Variants in HR observed in about 807,000 individuals in gnomAD.
HR encodes the protein HR lysine demethylase and nuclear receptor corepressor, also known as lysine-specific demethylase hairless.
In HR, 83 loss-of-function variants were observed where a neutral mutation model predicts 128.6. That is an observed-to-expected ratio of 0.65 (90% CI 0.54 to 0.77). The LOEUF (loss-of-function observed/expected upper bound fraction) is 0.77, where lower values mean the gene tolerates loss of function less well. Ranked by LOEUF, HR falls within the 30% of genes least tolerant of loss-of-function variation. The pLI is 0.00. For synonymous variants in HR, 681 were observed against 658.2 expected, an observed-to-expected ratio of 1.03 and a Z score of -0.53; for missense variants, 1,490 against 1,574.6, an observed-to-expected ratio of 0.95 and a Z score of 0.91.
rs1463343598 is a variant in HR, at chr8:22,120,355, G to A, written c.2763C>T (p.Phe921=). The change falls in exon 12 of 19, where the codon TTC becomes TTT. Residue 921 remains phenylalanine (F), a synonymous_variant. Coordinates refer to ENST00000381418, the MANE Select transcript of HR (RefSeq NM_005144.5). ...GGGGACACTTACGCTCAGGCCAGGA[G>A]AAGCCCTCCCAGAATGTTGTGCTGC... The part of the protein sequence containing the change: ...SLGSTTFWEG[F]SWPELRPKSD... 1 of 1,613,698 alleles carries A rather than the reference G, an allele frequency of 6.2e-7. No individual in the cohort carries two copies. The highest frequency in any genetic ancestry group is 1.3e-5 in the African/African-American group (1 of 74,934).
intron 6 of HR, 32 bp downstream of exon 6, chr8:22,123,617 T>TTGGGGCGCCC: frequency 3.4e-6 from 1 of 292,092 alleles, no homozygotes; most frequent in Non-Finnish European, 6.2e-6. Context: ...GAGGGCTCCA[T>TTGGGGCGCCC]CCCGCCCTCC....
chr8:22,117,390 C>G, intron 16 of HR: 1 of 290,126 alleles, frequency 3.4e-6, no homozygotes. Flanking sequence ...AGGGAGACGT[C>G]CTGCATAATC....
rs1378097312 is a variant in HR at position 22,119,004 on chromosome 8, C to G, written c.3159G>C (p.Val1053=). The change falls in exon 16 of 19, where the codon GTG becomes GTC. Residue 1053 remains valine (V), a synonymous_variant. Transcript: ENST00000381418. The stretch of plus-strand genomic sequence containing the variant: ...CGTCCTGTGCCCGGAACACGTGCCA[C>G]ACAGTGCTGACCTGGCTGCCCGGAG... ...LWSPGSQVST[V]WHVFRAQDAQ... The G allele has an allele frequency of 1.9e-6, 3 of 1,613,072 alleles. No individual in the cohort carries two copies. In the South Asian group the frequency reaches 3.3e-5, roughly 18 times the overall value.
rs372732458 is a variant in HR at position 22,123,825 on chromosome 8, G to A, written c.1751-12C>T. On this transcript the variant is annotated splice_polypyrimidine_tract_variant and intron_variant, in intron 5 of 18. Transcript: ENST00000381418. ...GGCTGGCCCTTGGCCTGCTGACCAC[G>A]GAGAGAACAGGGTCAGAGGGTGAAG... 37 of 1,592,172 alleles carry A rather than the reference G, an allele frequency of 2.3e-5. No homozygotes were observed. In the African/African-American group the frequency reaches 4.3e-4, roughly 18 times the overall value.
In HR at chr8:22,118,972, C is replaced by T. The variant is rs763685880; in HGVS notation, c.3191G>A (p.Arg1064His). The T allele has an allele frequency of 9.9e-6, 16 of 1,611,728 alleles. No homozygotes were observed. The highest frequency in any genetic ancestry group is 9.9e-5 in the South Asian group (9 of 91,044). ...CACCATCTGGAGAAAGCGGCGGATGCGCTGGGCGTCCTGTGCCCGGAACAC... is the reference window on the plus strand; with the variant it reads ...CACCATCTGGAGAAAGCGGCGGATGTGCTGGGCGTCCTGTGCCCGGAACAC... ...WHVFRAQDAQ[R>H]IRRFLQMVCP... is the part of the protein sequence containing the mutation. The change falls in exon 16 of 19, where the codon CGC becomes CAC. Residue 1064 changes from arginine (R) to histidine (H), a missense_variant. By Grantham distance (29) the Arg-to-His change is conservative (BLOSUM62 0). This residue lies in a region of HR where 423 missense variants were observed against 495.9 expected (regional missense o/e 0.85). Transcript: ENST00000381418.
rs778896234 is a variant in HR, at chr8:22,127,512, T to G, written c.930A>C (p.Ala310=). 5 of 1,612,934 alleles carry G rather than the reference T, an allele frequency of 3.1e-6. No homozygotes were observed. The South Asian group carries it at 4.4e-5, about 14-fold the overall frequency. ...GCTCAGGAGAGGGGCACCTTGGTGT[T>G]GCTGGTGGCCCCAGCTGGTACCCAA... The part of the protein sequence containing the change: ...GNLGYQLGPP[A]TPRCPSPEPP... The change falls in exon 3 of 19, where the codon GCA becomes GCC. Residue 310 remains alanine (A), a synonymous_variant. Coordinates refer to ENST00000381418, the MANE Select transcript of HR (RefSeq NM_005144.5).
chr8:22,127,547 C>A lies in HR; in HGVS notation c.895G>T (p.Asp299Tyr), dbSNP rs747380523. Reference protein sequence around the residue: ...TLGNVWAGPGDGNLGYQLGPP... With the variant: ...TLGNVWAGPGYGNLGYQLGPP... ...CCCAGCTGGTACCCAAGGTTCCCAT[C>A]GCCTGGCCCAGCCCAGACGTTGCCA... is the stretch of plus-strand genomic sequence containing the variant. Residue 299 changes from aspartate to tyrosine, a missense_variant, in exon 3 of 19, where the codon GAT becomes TAT. Coordinates refer to ENST00000381418, the MANE Select transcript of HR (RefSeq NM_005144.5). The A allele has an allele frequency of 3.7e-6, 6 of 1,613,074 alleles. No individual in the cohort carries two copies. The highest frequency in any genetic ancestry group is 5.1e-6 in the Non-Finnish European group (6 of 1,179,996).
chr8:22,121,490 G>C (rs1237757246), intron 9 of HR, 123 bp downstream of exon 9: 3 of 1,071,888 alleles, frequency 2.8e-6, no homozygotes, highest in Non-Finnish European at 4.3e-6. Context: ...GAGTAGTGGA[G>C]ATTATTGGGG....
Position 22,115,646 on chromosome 8 carries a change from G to T in HR, c.*54C>A. 1 of 1,523,204 alleles carries T rather than the reference G, an allele frequency of 6.6e-7. No homozygotes were observed. Among genetic ancestry groups the T allele is most frequent in the Non-Finnish European group, 9.1e-7 (1 of 1,097,894 alleles). 94.4% of individuals were successfully genotyped at this position (1,523,204 alleles called of 1,614,324 possible). The stretch of plus-strand genomic sequence containing the variant: ...CATCCCCTGCTGAAGTTGTGCCTGG[G>T]CTGAGCACCTGGTCTACCTGTCCCC... On this transcript the variant is annotated 3_prime_UTR_variant, in exon 19 of 19. Transcript: ENST00000381418.
chr8:22,123,607 G>T, intron 6 of HR, 42 bp downstream of exon 6: 2 of 969,560 alleles, frequency 2.1e-6, no homozygotes, highest in Non-Finnish European at 1.6e-6. Flanking sequence ...CAGTCCCCCT[G>T]AGGGCTCCAT....
In HR at chr8:22,128,571, G is replaced by A. The variant is rs370007196; in HGVS notation, c.600C>T (p.Ser200=). The A allele has an allele frequency of 3.1e-6, 5 of 1,611,450 alleles. No individual in the cohort carries two copies. Among genetic ancestry groups the A allele is most frequent in the Non-Finnish European group, 3.4e-6 (4 of 1,179,478 alleles). ...CCCCTGCACTCACCTTGCTGCCTAA[G>A]CTGAAGGCAGAGGGCACTTTGGGCT... ...GGQPKVPSAF[S]LGSKGFYYKD... Residue 200 remains serine (S), a synonymous_variant, in exon 2 of 19, where the codon AGC becomes AGT. Transcript: ENST00000381418.
intron 8 of HR, 107 bp downstream of exon 8, chr8:22,122,386 A>G (rs1826775695): frequency 1.3e-6 from 1 of 770,528 alleles, no homozygotes; most frequent in Admixed American, 2.4e-5. Context: ...CTGATCCCAC[A>G]GGCTTCTCTC....
intron 3 of HR, among the ~76,000 whole-genome samples, chr8:22,125,956 C>T (rs1008821728): frequency 3.3e-5 from 5 of 152,156 alleles, no homozygotes; most frequent in African/African-American, 7.2e-5. Flanking sequence ...GACCGGCAGC[C>T]GAGCGAAGAG....
In HR at chr8:22,122,891, G is replaced by C. The variant is rs1203132039; in HGVS notation, c.1916-12C>G. On this transcript the variant is annotated splice_polypyrimidine_tract_variant and intron_variant, in intron 6 of 18. Coordinates refer to ENST00000381418, the MANE Select transcript of HR (RefSeq NM_005144.5). ...CTGCTCCTGAAAGCCTGTGGGGCAG[G>C]AAGGGAAAAGCTGCAGGTCCAGAAA... 1 of 1,550,942 alleles carries C rather than the reference G, an allele frequency of 6.4e-7. No homozygotes were observed. Among genetic ancestry groups the C allele is most frequent in the Non-Finnish European group, 8.7e-7 (1 of 1,146,894 alleles).
Position 22,129,076 on chromosome 8 carries a change from G to A in HR, c.95C>T (p.Pro32Leu), listed in dbSNP as rs1377584605. 5.7e-6 allele frequency: 9 copies of A among 1,579,428 alleles called. No individual in the cohort carries two copies. Among genetic ancestry groups the A allele is most frequent in the African/African-American group, 1.4e-5 (1 of 73,762 alleles). Residue 32 changes from proline (P) to leucine (L), a missense_variant, in exon 2 of 19, where the codon CCT becomes CTT. Transcript: ENST00000381418. ...GIVRQEPGSP[P>L]RDGLHHGPLC... is the part of the protein sequence containing the mutation. ...CGGCCCATGGTGCAGTCCATCTCGA[G>A]GCGGGCTGCCGGGCTCCTGTCTCAC...
At chr8:22,120,082 T>C (rs769665896) in intron 13 of HR, 22 bp downstream of exon 13, 1 of 1,576,642 alleles carries the variant, frequency 6.3e-7, no homozygotes, top group African/African-American at 1.3e-5. Context: ...GAGGTAGGGC[T>C]GGCCCTTGGT....
In HR at chr8:22,125,341, G is replaced by C. The variant is rs1015585608; in HGVS notation, c.1720C>G (p.Arg574Gly). The change falls in exon 5 of 19, where the codon CGG becomes GGG. Residue 574 changes from arginine to glycine, a missense_variant. Transcript: ENST00000381418. ...DRLCRLLRRE[R>G]EALAWAQREG... The stretch of plus-strand genomic sequence containing the variant: ...CGCTGGGCCCAAGCCAGGGCCTCCC[G>C]CTCCCTCCGCAGCAGGCGGCACAGT... 9 of 1,595,752 alleles carry C rather than the reference G, an allele frequency of 5.6e-6. No individual in the cohort carries two copies. The highest frequency in any genetic ancestry group is 7.7e-6 in the Non-Finnish European group (9 of 1,172,160).
At chr8:22,119,318 G>A (rs775503048) in intron 14 of HR, 35 bp from the exon 15 acceptor site, 5 of 1,612,710 alleles carry the variant, frequency 3.1e-6, no homozygotes, top group Non-Finnish European at 4.2e-6. Flanking sequence ...GTTAGAAATG[G>A]AATCAGAGAG....
chr8:22,127,381 C>G lies in HR; in HGVS notation c.1061G>C (p.Gly354Ala), dbSNP rs1826924251. 5.0e-6 allele frequency: 8 copies of G among 1,613,394 alleles called. No homozygotes were observed. The change falls in exon 3 of 19, where the codon GGA becomes GCA. Residue 354 changes from glycine (G) to alanine (A), a missense_variant. This residue lies in a region of HR where 1,060 missense variants were observed against 1,060.9 expected (regional missense o/e 1.00). Coordinates refer to ENST00000381418, the MANE Select transcript of HR (RefSeq NM_005144.5). ...CACTTCCTCGCTGGGTTCGCTGGCT[C>G]CACTGGCACCCCCCTCCAGGCCCTC... is the stretch of plus-strand genomic sequence containing the variant. Reference protein sequence around the residue: ...CQEGLEGGASGASEPSEEVNK... With the variant: ...CQEGLEGGASAASEPSEEVNK...
Sources: allele counts gnomAD v4.1 joint callset (sites outside exome capture counted in the v4.1 genomes callset), GRCh38; gene constraint gnomAD v4.1.1; regional missense constraint gnomAD v4.1.1; transcripts MANE v1.5; gene names NCBI Gene and HGNC (gene_info 2026-07-23, HGNC 2026-07-21).